Variants in VCL observed in about 807,000 individuals in gnomAD.
The protein encoded by VCL is vinculin, also known as epididymis luminal protein 114.
Under a neutral mutation model 125.7 loss-of-function variants are expected in VCL, and 47 were observed. The observed-to-expected ratio is 0.37, with a 90% CI of 0.30 to 0.48. The LOEUF (loss-of-function observed/expected upper bound fraction) is 0.48, where lower values mean the gene tolerates loss of function less well. Ranked by LOEUF, VCL falls within the 20% of genes least tolerant of loss-of-function variation. The probability of loss-of-function intolerance (pLI) is 0.99; values close to 1 mark genes in which losing one functional copy is unlikely to be tolerated. For synonymous variants in VCL, 458 were observed against 514.6 expected, an observed-to-expected ratio of 0.89 and a Z score of 1.49; for missense variants, 1,069 against 1,455.5, an observed-to-expected ratio of 0.73 and a Z score of 4.32.
intron 13 of VCL, 47 bp from the exon 14 acceptor site, chr10:74,100,901 C>T (rs758247705): frequency 6.2e-7 from 1 of 1,610,576 alleles, no homozygotes; most frequent in Non-Finnish European, 8.5e-7. Flanking sequence ...GGCTGCCTGA[C>T]CCATTTTATT....
chr10:74,063,422 GA>G (rs1217193787), intron 2 of VCL, among the ~76,000 whole-genome samples: 9 of 152,164 alleles, frequency 5.9e-5, no homozygotes, highest in Non-Finnish European at 1.3e-4. Context: ...GGAAACTCTA[GA>G]AAAGACTCTG....
chr10:74,096,280 T>A (rs760049934), intron 12 of VCL, among the ~76,000 whole-genome samples: 5 of 151,942 alleles, frequency 3.3e-5, no homozygotes, highest in Non-Finnish European at 5.9e-5. Flanking sequence ...GAGAATCACC[T>A]GAACCTGGGA....
At chr10:74,035,557 C>G (rs1840958323) in intron 1 of VCL, among the ~76,000 whole-genome samples, 1 of 152,198 alleles carries the variant, frequency 6.6e-6, no homozygotes, top group South Asian at 2.1e-4. Context: ...TTATCTCATT[C>G]TCTTCCCACC....
At position 74,071,922 on chromosome 10, in the gene VCL, G is replaced by A. The variant is rs1214282834; in HGVS notation, c.500-808G>A. ...TCTTAAAATTTCTCATAATACTGGC[G>A]AAAATTATATTTCCCCAAATGGAAT... On this transcript the variant is annotated intron_variant, in intron 4 of 21. Transcript: ENST00000211998. The surrounding 1 kb of genome is among the most constrained non-coding windows in gnomAD (Gnocchi z 4.1). Among the ~76,000 whole-genome samples, 2 of 152,052 alleles carry A rather than the reference G, an allele frequency of 1.3e-5. No homozygotes were observed. The highest frequency in any genetic ancestry group is 6.6e-5 in the Admixed American group (1 of 15,260).
intron 1 of VCL, among the ~76,000 whole-genome samples, chr10:74,042,135 G>A (rs1322946285): frequency 6.6e-6 from 1 of 152,064 alleles, no homozygotes; most frequent in Non-Finnish European, 1.5e-5. Context: ...TACTCATAAT[G>A]TATATTTCTT....
chr10:74,057,606 T>C (rs150059115), intron 2 of VCL, among the ~76,000 whole-genome samples: 27 of 152,222 alleles, frequency 1.8e-4, no homozygotes, highest in Admixed American at 3.9e-4. Context: ...TAAGGCCATG[T>C]ATGTAGTCAC....
intron 9 of VCL, among the ~76,000 whole-genome samples, chr10:74,089,802 T>A (rs1839848264): frequency 6.6e-6 from 1 of 152,198 alleles, no homozygotes; most frequent in Non-Finnish European, 1.5e-5. Flanking sequence ...AGATAAAGCT[T>A]GGGAAAATAT....
At chr10:74,033,838 C>T (rs972905473) in intron 1 of VCL, among the ~76,000 whole-genome samples, 2 of 152,136 alleles carry the variant, frequency 1.3e-5, no homozygotes, top group African/African-American at 4.8e-5. Context: ...CCAATTGACC[C>T]AGTCACTTGA....
intron 2 of VCL, among the ~76,000 whole-genome samples, chr10:74,053,134 G>A (rs1841336125): frequency 6.6e-6 from 1 of 151,980 alleles, no homozygotes; most frequent in African/African-American, 2.4e-5. Context: ...AACAGGTTAT[G>A]TAAGATAAAG....
chr10:74,087,805 G>A (rs539355048), intron 8 of VCL, among the ~76,000 whole-genome samples: 17 of 151,894 alleles, frequency 1.1e-4, no homozygotes, highest in South Asian at 6.2e-4. Flanking sequence ...GTGAAACCCC[G>A]TCTCTACTAA....
In VCL at chr10:73,998,252, G is replaced by T; in HGVS notation, c.45G>T (p.Pro15=). ...HTRTIESILE[P]VAQQISHLVI... is the part of the protein sequence containing the mutation. Reference sequence around the variant, plus strand: ...GCACGATCGAGAGCATCCTGGAGCCGGTGGCACAGCAGATCTCCCACCTGG... The same window carrying T: ...GCACGATCGAGAGCATCCTGGAGCCTGTGGCACAGCAGATCTCCCACCTGG... The change falls in exon 1 of 22, where the codon CCG becomes CCT. Residue 15 remains proline, a synonymous_variant. Coordinates refer to ENST00000211998, the MANE Select transcript of VCL (RefSeq NM_014000.3). 1 of 1,612,632 alleles carries T rather than the reference G, an allele frequency of 6.2e-7. No individual in the cohort carries two copies. The highest frequency in any genetic ancestry group is 2.2e-5 in the East Asian group (1 of 44,790).
At chr10:74,028,206 G>T (rs762991696) in intron 1 of VCL, among the ~76,000 whole-genome samples, 1 of 152,130 alleles carries the variant, frequency 6.6e-6, no homozygotes, top group Non-Finnish European at 1.5e-5. Context: ...CTCCCAAGTA[G>T]CTAGGACTAC....
At chr10:74,040,968 C>T (rs1368265776) in intron 1 of VCL, among the ~76,000 whole-genome samples, 1 of 152,100 alleles carries the variant, frequency 6.6e-6, no homozygotes, top group Non-Finnish European at 1.5e-5. Context: ...GTGATCCTTC[C>T]ACCTCAGCCT....
Position 74,082,364 on chromosome 10 carries a change from G to A in VCL, c.784-90G>A, listed in dbSNP as rs912663974. ...AGGACTGACTACCTTAGCTATGTAT[G>A]TTAATGCTGTAACTTCTTCTCTGTC... On this transcript the variant is annotated intron_variant, in intron 6 of 21. Coordinates refer to ENST00000211998, the MANE Select transcript of VCL (RefSeq NM_014000.3). 2.1e-6 allele frequency: 3 copies of A among 1,408,220 alleles called. No individual in the cohort carries two copies. In the African/African-American group the frequency reaches 4.2e-5, roughly 20 times the overall value. The allele number at this position is 1,408,220 out of a possible 1,614,324, so 87.2% of individuals were successfully genotyped here.
At chr10:74,100,130 A>C (rs929520472) in intron 13 of VCL, among the ~76,000 whole-genome samples, 1 of 152,236 alleles carries the variant, frequency 6.6e-6, no homozygotes, top group African/African-American at 2.4e-5. Flanking sequence ...CTGAATGTGA[A>C]GACTAAATAA....
chr10:74,039,702 T>C (rs1238243824), intron 1 of VCL, among the ~76,000 whole-genome samples: 1 of 151,914 alleles, frequency 6.6e-6, no homozygotes, highest in Admixed American at 6.6e-5. Context: ...ACTTGAGCCC[T>C]GAATCACTTG....
At chr10:74,025,962 C>T (rs1462200175) in intron 1 of VCL, among the ~76,000 whole-genome samples, 2 of 152,070 alleles carry the variant, frequency 1.3e-5, no homozygotes, top group Admixed American at 6.6e-5. Flanking sequence ...ATGAAATGCA[C>T]GGAGTTTTAT....
chr10:74,051,850 G>T (rs774973398), intron 2 of VCL, among the ~76,000 whole-genome samples: 1 of 152,190 alleles, frequency 6.6e-6, no homozygotes, highest in Non-Finnish European at 1.5e-5. Flanking sequence ...GAATTCAAGA[G>T]CTAGCCAGTG....
chr10:74,008,038 A>G lies in VCL; in HGVS notation c.168+9663A>G, dbSNP rs577258174. Among the ~76,000 whole-genome samples, 13 of 152,232 alleles carry G rather than the reference A, an allele frequency of 8.5e-5. No homozygotes were observed. In the East Asian group the frequency reaches 2.5e-3, roughly 29 times the overall value. The stretch of plus-strand genomic sequence containing the variant: ...AGTCTGGTCTCGAAGTCCTGACCTG[A>G]GGTGATCTACCCACCTTAGCTTCCC... On this transcript the variant is annotated intron_variant, in intron 1 of 21. Transcript: ENST00000211998.
Sources: gnomAD v4.1 joint callset for allele counts (sites outside exome capture counted in the v4.1 genomes callset) on GRCh38, gnomAD v4.1.1 for gene constraint, Gnocchi (gnomAD v3.1) non-coding constraint, MANE v1.5 for transcripts, NCBI Gene and HGNC (gene_info 2026-07-23, HGNC 2026-07-21) for gene names.